ATP9B: variants seen among roughly 807,000 people sequenced by gnomAD.
ATP9B encodes the protein probable phospholipid-transporting ATPase IIB.
In ATP9B, 110 loss-of-function variants were observed where a neutral mutation model predicts 146.1. That is an observed-to-expected ratio of 0.75 (90% CI 0.65 to 0.88). The LOEUF is 0.88. Ranked by LOEUF, ATP9B falls within the 40% of genes least tolerant of loss-of-function variation. The probability of loss-of-function intolerance (pLI) is 0.00; values close to 1 mark genes in which losing one functional copy is unlikely to be tolerated. For missense variants in ATP9B, 1,499 were observed against 1,496.4 expected (o/e 1.00, Z -0.03); for synonymous variants, 604 against 569.7 (o/e 1.06, Z -0.86).
At chr18:79,252,862 A>G (rs1016388935) in intron 11 of ATP9B, among the ~76,000 whole-genome samples, 4 of 151,410 alleles carry the variant, frequency 2.6e-5, no homozygotes, top group Non-Finnish European at 5.9e-5. Context: ...TCGGAAAGAC[A>G]TACATACTGT....
At chr18:79,073,540 A>G (rs1884970617) in intron 1 of ATP9B, among the ~76,000 whole-genome samples, 1 of 152,206 alleles carries the variant, frequency 6.6e-6, no homozygotes, top group African/African-American at 2.4e-5. Flanking sequence ...AGGCAGGAGA[A>G]TCAGGCAGGG....
chr18:79,320,703 C>A (rs181445778), intron 15 of ATP9B, among the ~76,000 whole-genome samples: 4 of 152,142 alleles, frequency 2.6e-5, no homozygotes, highest in African/African-American at 7.2e-5. Flanking sequence ...ACTCCCACCC[C>A]CCTCCAGCCC....
intron 20 of ATP9B, 43 bp downstream of exon 20, chr18:79,342,409 C>G: frequency 7.4e-7 from 1 of 1,357,952 alleles, no homozygotes; most frequent in Non-Finnish European, 1.0e-6. Context: ...AAACATTTGT[C>G]TCACACAAAC....
At chr18:79,182,899 G>A (rs1427061193) in intron 8 of ATP9B, among the ~76,000 whole-genome samples, 1 of 152,288 alleles carries the variant, frequency 6.6e-6, no homozygotes, top group South Asian at 2.1e-4. Flanking sequence ...CTCTTCAGGG[G>A]CATTCCTTTA....
chr18:79,193,281 T>C lies in ATP9B; in HGVS notation c.954+18T>C. ...TTACCAGGGTAAGTTAAACCTGTTG[T>C]TCAATACAAATAGAGTTATTGTGTA... On this transcript the variant is annotated intron_variant, in intron 9 of 29. Coordinates refer to ENST00000426216, the MANE Select transcript of ATP9B (RefSeq NM_198531.5). 1 of 1,558,604 alleles carries C rather than the reference T, an allele frequency of 6.4e-7. No individual in the cohort carries two copies. The highest frequency in any genetic ancestry group is 8.8e-7 in the Non-Finnish European group (1 of 1,130,616).
At chr18:79,257,008 T>C (rs2096088552) in intron 12 of ATP9B, among the ~76,000 whole-genome samples, 1 of 152,206 alleles carries the variant, frequency 6.6e-6, no homozygotes, top group Admixed American at 6.5e-5. Context: ...ATCCTATTGC[T>C]TTTTATCTTG....
intron 1 of ATP9B, among the ~76,000 whole-genome samples, chr18:79,078,663 GTTT>G (rs34895093): frequency 7.0e-6 from 1 of 143,144 alleles, no homozygotes; most frequent in African/African-American, 2.6e-5. Context: ...GTATAGTTCA[GTTT>G]TTTTTTTTTT....
At chr18:79,229,654 T>C (rs2095770928) in intron 11 of ATP9B, among the ~76,000 whole-genome samples, 1 of 152,236 alleles carries the variant, frequency 6.6e-6, no homozygotes, top group Non-Finnish European at 1.5e-5. Flanking sequence ...ACACGTCAGG[T>C]TACTGCTGCG....
chr18:79,198,955 C>A (rs777755564), intron 9 of ATP9B, among the ~76,000 whole-genome samples: 16 of 151,876 alleles, frequency 1.1e-4, no homozygotes, highest in Admixed American at 9.2e-4. Flanking sequence ...CTTCCTATAA[C>A]TTTAATTTTT....
chr18:79,095,003 G>A (rs752065695), intron 1 of ATP9B, among the ~76,000 whole-genome samples: 2 of 152,164 alleles, frequency 1.3e-5, no homozygotes, highest in Non-Finnish European at 2.9e-5. Flanking sequence ...TTTCTAGGCA[G>A]TGAGGACTGA....
At chr18:79,082,699 C>T (rs2073393638) in intron 1 of ATP9B, among the ~76,000 whole-genome samples, 1 of 152,212 alleles carries the variant, frequency 6.6e-6, no homozygotes, top group African/African-American at 2.4e-5. Context: ...TGGAGATCCA[C>T]TCCAGATCCT....
At chr18:79,212,527 G>T (rs2148405980) in intron 10 of ATP9B, among the ~76,000 whole-genome samples, 1 of 152,222 alleles carries the variant, frequency 6.6e-6, no homozygotes, top group South Asian at 2.1e-4. Context: ...AGTTAATTTT[G>T]CAGTTTGCCT....
chr18:79,316,963 G>A lies in ATP9B; in HGVS notation c.1773+9729G>A, dbSNP rs182556509. On this transcript the variant is annotated intron_variant, in intron 15 of 29. Transcript: ENST00000426216. ...GTAAGAGTGTATAATAAACAAGTAG[G>A]CTTAAATGTTTATAAGAGAATATGA... Among the ~76,000 whole-genome samples, 36 of 152,250 alleles carry A rather than the reference G, an allele frequency of 2.4e-4. No individual in the cohort carries two copies. In the East Asian group the frequency reaches 5.6e-3, roughly 24 times the overall value.
At chr18:79,328,486 C>T (rs537069360) in intron 15 of ATP9B, among the ~76,000 whole-genome samples, 20 of 152,096 alleles carry the variant, frequency 1.3e-4, no homozygotes, top group South Asian at 4.2e-4. Flanking sequence ...TTATTTTGGC[C>T]TCAAAGCAAT....
At chr18:79,253,306 C>A in intron 11 of ATP9B, 75 bp from the exon 12 acceptor site, 1 of 1,321,440 alleles carries the variant, frequency 7.6e-7, no homozygotes. Context: ...TATGTCATCA[C>A]TACCATGCAT....
chr18:79,120,568 G>T (rs140782612), intron 4 of ATP9B, among the ~76,000 whole-genome samples: 1 of 152,094 alleles, frequency 6.6e-6, no homozygotes, highest in Non-Finnish European at 1.5e-5. Flanking sequence ...ACATTTTTGT[G>T]TCTGGATGAA....
At chr18:79,371,397 A>C (rs1037649845) in intron 26 of ATP9B, among the ~76,000 whole-genome samples, 9 of 121,022 alleles carry the variant, frequency 7.4e-5, no homozygotes, top group East Asian at 2.8e-4. Flanking sequence ...AAAAAAAAAA[A>C]AAAACAGTAG....
chr18:79,337,532 A>C, intron 19 of ATP9B, 83 bp downstream of exon 19: 1 of 1,523,936 alleles, frequency 6.6e-7, no homozygotes, highest in Admixed American at 2.0e-5. Flanking sequence ...GATTTGTGAA[A>C]CTCCTGTGGG....
Position 79,140,430 on chromosome 18 carries a change from G to A in ATP9B, c.668-3372G>A, listed in dbSNP as rs143879050. On this transcript the variant is annotated intron_variant, in intron 5 of 29. Transcript: ENST00000426216. ...TTTACACGGGCAGAAATTAATGACT[G>A]GTAGTGGGGTTGGTGGGCAGGTTAT... Among the ~76,000 whole-genome samples the A allele has an allele frequency of 3.7e-3, 556 of 152,146 alleles. 2 individuals carry two copies. The highest frequency in any genetic ancestry group is 0.013 in the African/African-American group (526 of 41,504).
Sources: allele counts gnomAD v4.1 joint callset (sites outside exome capture counted in the v4.1 genomes callset), GRCh38; gene constraint gnomAD v4.1.1; transcripts MANE v1.5; gene names NCBI Gene and HGNC (gene_info 2026-07-23, HGNC 2026-07-21).